LMF1: variants seen among roughly 807,000 people sequenced by gnomAD.
The protein encoded by LMF1 is lipase maturation factor 1, also known as transmembrane protein 112.
LMF1 carries 68 observed loss-of-function variants against 60.6 expected under a neutral mutation model. The ratio of observed to expected loss-of-function variants is 1.12; its 90% CI spans 0.92 to 1.37. LMF1 has a LOEUF of 1.37. Ranked by LOEUF, LMF1 falls within the 40% of genes most tolerant of loss-of-function variation. The pLI is 0.00. For missense variants in LMF1, 948 were observed against 767.2 expected (o/e 1.24, Z -2.78); for synonymous variants, 418 against 324.7 (o/e 1.29, Z -3.09).
chr16:907,526 C>T (rs558128061), intron 4 of LMF1, among the ~76,000 whole-genome samples: 21 of 152,226 alleles, frequency 1.4e-4, no homozygotes, highest in African/African-American at 4.3e-4. Flanking sequence ...GCACCCTCAT[C>T]GGGAGGGCCA....
intron 5 of LMF1, among the ~76,000 whole-genome samples, chr16:881,105 A>G (rs1338223802): frequency 6.6e-6 from 1 of 152,208 alleles, no homozygotes; most frequent in Non-Finnish European, 1.5e-5. Flanking sequence ...CGGGGCCCCC[A>G]GGTGGCAGAA....
At chr16:943,667 A>C (rs2382946) in intron 2 of LMF1, among the ~76,000 whole-genome samples, 69,620 of 147,228 alleles carry the variant, frequency 0.47, 18,052 homozygotes, top group African/African-American at 0.69. Context: ...GTGGAGGTTG[A>C]AGTGAGCCAA....
At chr16:868,019 C>G (rs2069661685) in intron 10 of LMF1, among the ~76,000 whole-genome samples, 1 of 152,154 alleles carries the variant, frequency 6.6e-6, no homozygotes, top group African/African-American at 2.4e-5. Context: ...GCTGTGTTTT[C>G]CGTCAGAATC....
chr16:887,996 G>A (rs542010921), intron 5 of LMF1, among the ~76,000 whole-genome samples: 6 of 152,216 alleles, frequency 3.9e-5, no homozygotes, highest in South Asian at 4.1e-4. Flanking sequence ...GGTCTGTGGT[G>A]CGTGGCCTGG....
At chr16:858,319 T>A (rs865916863) in intron 10 of LMF1, among the ~76,000 whole-genome samples, 17 of 40,894 alleles carry the variant, frequency 4.2e-4, no homozygotes, top group African/African-American at 1.5e-3. Context: ...CAGTGGTGTC[T>A]CGGGATGGGT....
At chr16:947,152 G>A (rs1264273535) in intron 2 of LMF1, among the ~76,000 whole-genome samples, 1 of 152,234 alleles carries the variant, frequency 6.6e-6, no homozygotes, top group African/African-American at 2.4e-5. Flanking sequence ...CCCAGGGTGG[G>A]CTCTCTGAGT....
chr16:935,162 G>C (rs932126327), intron 2 of LMF1, among the ~76,000 whole-genome samples: 1 of 151,802 alleles, frequency 6.6e-6, no homozygotes, highest in East Asian at 1.9e-4. Flanking sequence ...GAGTGCAGCG[G>C]TGCATAACCT....
At chr16:895,028 T>TG (rs1245897769) in intron 4 of LMF1, among the ~76,000 whole-genome samples, 2 of 151,768 alleles carry the variant, frequency 1.3e-5, no homozygotes, top group African/African-American at 4.8e-5. Context: ...GGCAGAAGCG[T>TG]GGGGTACAGC....
rs117442307 is a variant in LMF1 at position 856,053 on chromosome 16, C to T, written c.1530-1347G>A. 9.4e-4 allele frequency: 407 copies of T among 433,952 alleles called. 1 individual carries two copies. In the East Asian group the frequency reaches 0.015, roughly 16 times the overall value. The allele number at this position is 433,952 out of a possible 1,614,324, so 26.9% of individuals were successfully genotyped here. ...TCTGGGTGGAGGAGGGTCCCTGAGG[C>T]GCCTGATGGGAGAGAGGGATCAGCA... On this transcript the variant is annotated intron_variant, in intron 10 of 10. Transcript: ENST00000262301.
chr16:875,683 G>A (rs991347754), intron 6 of LMF1, among the ~76,000 whole-genome samples: 1 of 152,182 alleles, frequency 6.6e-6, no homozygotes, highest in Non-Finnish European at 1.5e-5. Flanking sequence ...AGGCAGCCAC[G>A]GAGCCAAGCA....
chr16:964,295 C>CA (rs68176791), intron 1 of LMF1, among the ~76,000 whole-genome samples: 11,889 of 63,404 alleles, frequency 0.19, 788 homozygotes, highest in African/African-American at 0.29. Context: ...AACTCTGTCT[C>CA]AAAAAAAAAA....
Position 853,820 on chromosome 16 carries a change from G to A in LMF1, c.*712C>T, listed in dbSNP as rs944424953. ...AGGCCTCAGAGGCAGCGAGGTCACA[G>A]CCTGGTGGAGGGTCTGGGTGTGCGC... On this transcript the variant is annotated 3_prime_UTR_variant, in exon 11 of 11. Transcript: ENST00000262301. 13 of 454,030 alleles carry A rather than the reference G, an allele frequency of 2.9e-5. No individual in the cohort carries two copies. Among genetic ancestry groups the A allele is most frequent in the African/African-American group, 1.4e-4 (7 of 50,024 alleles). 28.1% of individuals were successfully genotyped at this position (454,030 alleles called of 1,614,324 possible).
chr16:866,324 A>G (rs2069608411), intron 10 of LMF1, among the ~76,000 whole-genome samples: 1 of 152,012 alleles, frequency 6.6e-6, no homozygotes, highest in Admixed American at 6.5e-5. Context: ...ACGCATTGGG[A>G]GTATTCCTTG....
In LMF1 at chr16:955,937, GCGCC is replaced by G. The variant is rs1314230053; in HGVS notation, c.194-1275_194-1272del. Among the ~76,000 whole-genome samples the G allele has an allele frequency of 4.0e-3, 609 of 152,100 alleles. 9 individuals are homozygous for G. Among genetic ancestry groups the G allele is most frequent in the African/African-American group, 6.1e-3 (255 of 41,486 alleles). On this transcript the variant is annotated intron_variant, in intron 1 of 10. Coordinates refer to ENST00000262301, the MANE Select transcript of LMF1 (RefSeq NM_022773.4). ...CAGGTCTCCGAGTTCACGTCTCACGGCGCCCACCCCACGACGGCTCTCTCACATC... is the reference window on the plus strand; with the variant it reads ...CAGGTCTCCGAGTTCACGTCTCACGGCACCCCACGACGGCTCTCTCACATC...
intron 1 of LMF1, chr16:968,474 G>C (rs928523074): frequency 6.6e-6 from 1 of 152,174 alleles, no homozygotes. Context: ...ATGGCAACTT[G>C]GAAAAACCCT....
At chr16:952,296 CA>C (rs1373929070) in intron 2 of LMF1, among the ~76,000 whole-genome samples, 1 of 137,746 alleles carries the variant, frequency 7.3e-6, no homozygotes, top group Non-Finnish European at 1.5e-5. Flanking sequence ...CCAGCACAGC[CA>C]CAAAGTGGGG....
At chr16:978,588 A>G (rs1031851906) in intron 1 of LMF1, among the ~76,000 whole-genome samples, 1 of 152,122 alleles carries the variant, frequency 6.6e-6, no homozygotes, top group Admixed American at 6.5e-5. Flanking sequence ...CTCACGGCCC[A>G]GGGGACAGCC....
intron 4 of LMF1, among the ~76,000 whole-genome samples, chr16:906,966 T>G (rs997973922): frequency 6.6e-6 from 1 of 152,258 alleles, no homozygotes; most frequent in Non-Finnish European, 1.5e-5. Flanking sequence ...GAAGTGTTCC[T>G]TACTTTCAGC....
At chr16:964,040 G>C (rs751965496) in intron 1 of LMF1, 2 of 456,066 alleles carry the variant, frequency 4.4e-6, no homozygotes, top group South Asian at 3.1e-5. Context: ...GGGACCCAGA[G>C]CCTGACCTGG....
Sources: gnomAD v4.1 joint callset for allele counts (sites outside exome capture counted in the v4.1 genomes callset) on GRCh38, gnomAD v4.1.1 for gene constraint, MANE v1.5 for transcripts, NCBI Gene and HGNC (gene_info 2026-07-23, HGNC 2026-07-21) for gene names.